The following SOD2 variants were observed in gnomAD, a reference collection of about 807,000 sequenced individuals.
SOD2 encodes superoxide dismutase 2, also known as superoxide dismutase [Mn], mitochondrial.
Under a neutral mutation model 27.0 loss-of-function variants are expected in SOD2, and 11 were observed. That is an observed-to-expected ratio of 0.41 (90% confidence interval 0.26 to 0.67). SOD2 has a LOEUF of 0.67. SOD2 is among the 30% of genes least tolerant of loss of function. SOD2 has a pLI of 0.34. For synonymous variants in SOD2, 105 were observed against 103.0 expected (o/e 1.02, Z -0.12); for missense variants, 250 against 274.5 (o/e 0.91, Z 0.63).
At position 159,684,867 on chromosome 6, in the gene SOD2, C is replaced by T. The variant is rs771025416; in HGVS notation, c.510G>A (p.Leu170=). The T allele has an allele frequency of 3.7e-6, 6 of 1,611,760 alleles. No homozygotes were observed. In the African/African-American group the frequency reaches 8.0e-5, roughly 22 times the overall value. ...QIAACPNQDP[L]QGTTGLIPLL... is the part of the protein sequence containing the mutation. ...TTTAAATCTAACCTGTTGTTCCTTG[C>T]AGTGGATCCTGATTTGGACAAGCAG... is the stretch of plus-strand genomic sequence containing the variant. The change falls in exon 4 of 5, where the codon CTG becomes CTA. Residue 170 remains leucine, a synonymous_variant. Transcript: ENST00000538183.
chr6:159,704,225 AT>A (rs1411390518), intron 1 of SOD2, among the ~76,000 whole-genome samples: 9 of 152,200 alleles, frequency 5.9e-5, no homozygotes, highest in African/African-American at 2.2e-4. Context: ...TGATTTCTGC[AT>A]TTCCAACTGA....
At position 159,669,685 on chromosome 6, in the gene SOD2, G is replaced by A. The variant is rs1779614014; in HGVS notation, c.*12808C>T. The stretch of plus-strand genomic sequence containing the variant: ...AAAAAAATATGATTATATCTTGCAT[G>A]AATTGATCCTTGTTTCATTACATAA... On this transcript the variant is annotated 3_prime_UTR_variant, in exon 5 of 5. Coordinates refer to ENST00000538183, the MANE Select transcript of SOD2 (RefSeq NM_000636.4). The A allele has an allele frequency of 6.6e-6, 1 of 152,148 alleles. No homozygotes were observed. Among genetic ancestry groups the A allele is most frequent in the African/African-American group, 2.4e-5 (1 of 41,440 alleles). The allele number at this position is 152,148 out of a possible 1,614,324, so 9.4% of individuals were successfully genotyped here.
intron 3 of SOD2, among the ~76,000 whole-genome samples, chr6:159,685,577 GGTTT>G (rs1562419520): frequency 1.3e-5 from 2 of 152,032 alleles, no homozygotes; most frequent in Non-Finnish European, 2.9e-5. Flanking sequence ...TACACGCACA[GGTTT>G]GTTACACGGG....
At chr6:159,735,929 T>G (rs1778886887) in intron 1 of SOD2, among the ~76,000 whole-genome samples, 1 of 152,162 alleles carries the variant, frequency 6.6e-6, no homozygotes, top group African/African-American at 2.4e-5. Context: ...GAGGTCATTA[T>G]ATTTCTCTTC....
At chr6:159,727,435 C>G (rs1193297820), upstream of SOD2, 1 of 1,031,328 alleles carries the variant, frequency 9.7e-7, no homozygotes, top group Non-Finnish European at 1.2e-6. Flanking sequence ...GCGTTCGGAC[C>G]GGCTGTGGGG....
chr6:159,736,307 GGTTTTGGGTTTTTTTGTTTT>G, intron 1 of SOD2: 5 of 1,596,072 alleles, frequency 3.1e-6, no homozygotes, highest in Non-Finnish European at 1.7e-6. Context: ...TATGGGTTTT[GGTTTTGGGTTTTTTTGTTTT>G]GTTTTGGGTT....
At chr6:159,711,078 T>C (rs77698520) in intron 1 of SOD2, among the ~76,000 whole-genome samples, 31 of 60,302 alleles carry the variant, frequency 5.1e-4, no homozygotes, top group African/African-American at 7.2e-4. Flanking sequence ...ACCACTCACA[T>C]TGCTCTGATC....
chr6:159,712,521 ACT>A (rs1379888929), intron 1 of SOD2, among the ~76,000 whole-genome samples: 1 of 123,656 alleles, frequency 8.1e-6, no homozygotes, highest in Non-Finnish European at 1.8e-5. Flanking sequence ...CATAACCACC[ACT>A]CACACTGCTC....
chr6:159,745,580 G>A (rs1051279679), upstream of SOD2, among the ~76,000 whole-genome samples: 1 of 152,068 alleles, frequency 6.6e-6, no homozygotes, highest in East Asian at 1.9e-4. Flanking sequence ...GATTATATAT[G>A]GCAGATGAGG....
At chr6:159,737,433 A>AT (rs748291962) in intron 1 of SOD2, among the ~76,000 whole-genome samples, 1 of 152,176 alleles carries the variant, frequency 6.6e-6, no homozygotes, top group Non-Finnish European at 1.5e-5. Flanking sequence ...AATTTGAAAC[A>AT]TTTTTAAGGA....
exon 1 of SOD2, chr6:159,761,951 G>C (rs149786744): frequency 9.9e-7 from 1 of 1,011,904 alleles, no homozygotes; most frequent in South Asian, 1.4e-5. Flanking sequence ...GGATGCGCGG[G>C]GAGGTGGTGC....
At chr6:159,743,316 G>A (rs1372575083) in intron 1 of SOD2, among the ~76,000 whole-genome samples, 1 of 152,188 alleles carries the variant, frequency 6.6e-6, no homozygotes, top group Non-Finnish European at 1.5e-5. Context: ...CAAAGTGCTG[G>A]GATTACAGGC....
rs1474844924 is a variant in SOD2, at chr6:159,682,480, T to C, written c.*13A>G. 28 of 1,611,816 alleles carry C rather than the reference T, an allele frequency of 1.7e-5. No homozygotes were observed. The highest frequency in any genetic ancestry group is 2.3e-5 in the Non-Finnish European group (27 of 1,178,778). ...CATAAAGAGCTTAACATACTCAGCA[T>C]AACGATCGTGGTTTACTTTTTGCAA... On this transcript the variant is annotated 3_prime_UTR_variant, in exon 5 of 5. Coordinates refer to ENST00000538183, the MANE Select transcript of SOD2 (RefSeq NM_000636.4).
chr6:159,746,770 G>C (rs1367412988), upstream of SOD2, among the ~76,000 whole-genome samples: 1 of 152,056 alleles, frequency 6.6e-6, no homozygotes, highest in Non-Finnish European at 1.5e-5. Context: ...ATAGATTTAG[G>C]AATAAAACTA....
At chr6:159,688,468 C>A in intron 2 of SOD2, 1 of 470,394 alleles carries the variant, frequency 2.1e-6, no homozygotes. Context: ...AAAATTCACT[C>A]CTGGCTGCTA....
In SOD2 at chr6:159,680,290, TAG is replaced by T; in HGVS notation, c.*2201_*2202del. The T allele has an allele frequency of 6.6e-6, 1 of 152,206 alleles. No individual in the cohort carries two copies. Among genetic ancestry groups the T allele is most frequent in the East Asian group, 1.9e-4 (1 of 5,172 alleles). The allele number at this position is 152,206 out of a possible 1,614,324, so 9.4% of individuals were successfully genotyped here. A position where few individuals can be genotyped will look rare whatever the true frequency, so the allele number is the denominator to read the frequency against. The stretch of plus-strand genomic sequence containing the variant: ...CTATTTAAACAGTCACGACCTTCCT[TAG>T]AGAGGCAAGCAGTAATCTTACATGA... On this transcript the variant is annotated 3_prime_UTR_variant, in exon 5 of 5. Transcript: ENST00000538183.
upstream of SOD2, among the ~76,000 whole-genome samples, chr6:159,696,364 G>T (rs955351991): frequency 2.0e-5 from 3 of 152,008 alleles, no homozygotes; most frequent in African/African-American, 7.2e-5. Flanking sequence ...TTTGTTGCTG[G>T]GCTGGAGTGC....
chr6:159,737,161 C>T (rs1778971530), intron 1 of SOD2, among the ~76,000 whole-genome samples: 1 of 152,088 alleles, frequency 6.6e-6, no homozygotes, highest in South Asian at 2.1e-4. Flanking sequence ...GATCATCCCA[C>T]CTCGGCCTCC....
At position 159,671,222 on chromosome 6, in the gene SOD2, G is replaced by C. The variant is rs1179468030; in HGVS notation, c.*11271C>G. 2 of 152,402 alleles carry C rather than the reference G, an allele frequency of 1.3e-5. No individual in the cohort carries two copies. The highest frequency in any genetic ancestry group is 2.9e-5 in the Non-Finnish European group (2 of 68,180). 9.4% of individuals were successfully genotyped at this position (152,402 alleles called of 1,614,324 possible). A position where few individuals can be genotyped will look rare whatever the true frequency, so the allele number is the denominator to read the frequency against. ...AATCTCTGCAGACTTCAATGTCCCTGTCTGACAGCTTTGAAGAGACCAGTG... is the reference window on the plus strand; with the variant it reads ...AATCTCTGCAGACTTCAATGTCCCTCTCTGACAGCTTTGAAGAGACCAGTG... On this transcript the variant is annotated 3_prime_UTR_variant, in exon 5 of 5. Transcript: ENST00000538183.
Sources: allele counts gnomAD v4.1 joint callset (sites outside exome capture counted in the v4.1 genomes callset), GRCh38; gene constraint gnomAD v4.1.1; transcripts MANE v1.5; gene names NCBI Gene and HGNC (gene_info 2026-07-23, HGNC 2026-07-21).